MYO18B: variants seen among roughly 807,000 people sequenced by gnomAD.
MYO18B encodes unconventional myosin-XVIIIb.
Under a neutral mutation model 273.0 loss-of-function variants are expected in MYO18B, and 204 were observed. That is an observed-to-expected ratio of 0.75 (90% CI 0.67 to 0.84). MYO18B has a LOEUF of 0.84. Among genes scored for constraint, MYO18B ranks in the 40% least tolerant of loss-of-function variants. The probability of loss-of-function intolerance (pLI) is 0.00; values close to 1 mark genes in which losing one functional copy is unlikely to be tolerated. For synonymous variants in MYO18B, 1,330 were observed against 1,305.7 expected (o/e 1.02, Z -0.40); for missense variants, 3,212 against 3,287.6 (o/e 0.98, Z 0.56).
chr22:25,791,751 T>C (rs1186927938), intron 11 of MYO18B, among the ~76,000 whole-genome samples: 1 of 152,218 alleles, frequency 6.6e-6, no homozygotes, highest in African/African-American at 2.4e-5. Flanking sequence ...TGTTAGGGAA[T>C]GGTGCCCAAA....
intron 12 of MYO18B, among the ~76,000 whole-genome samples, chr22:25,800,768 C>G (rs570361711): frequency 5.4e-4 from 82 of 151,898 alleles, no homozygotes; most frequent in African/African-American, 1.9e-3. Flanking sequence ...TCCTGAGTTT[C>G]TCCTCCTGGG....
In MYO18B at chr22:25,965,448, G is replaced by A. The variant is rs143087419; in HGVS notation, c.6156+10084G>A. On this transcript the variant is annotated intron_variant, in intron 39 of 43. Transcript: ENST00000335473. ...CACCAGGAAAAAAGATCGGGGCGGT[G>A]ATGTGCTGGTAAATGTTTAACAACT... 2.9e-3 allele frequency among the ~76,000 whole-genome samples: 435 copies of A among 152,314 alleles called. 3 individuals carry two copies. The highest frequency in any genetic ancestry group is 9.9e-3 in the African/African-American group (411 of 41,556).
intron 42 of MYO18B, among the ~76,000 whole-genome samples, chr22:26,007,937 G>A (rs1377907755): frequency 6.6e-6 from 1 of 152,188 alleles, no homozygotes; most frequent in Non-Finnish European, 1.5e-5. Flanking sequence ...TCAGTTTGGT[G>A]TATATCCTTC....
intron 22 of MYO18B, among the ~76,000 whole-genome samples, chr22:25,870,478 G>A (rs2091015434): frequency 2.0e-5 from 3 of 152,206 alleles, no homozygotes; most frequent in Non-Finnish European, 4.4e-5. Context: ...TTTAAACACA[G>A]AAAAAGTAGA....
intron 21 of MYO18B, among the ~76,000 whole-genome samples, chr22:25,866,018 G>A (rs1372941540): frequency 1.3e-5 from 2 of 152,040 alleles, no homozygotes; most frequent in African/African-American, 2.4e-5. Context: ...TCTTCCAGGA[G>A]GTTGGAAGAT....
chr22:25,778,338 G>A (rs1403132014), intron 8 of MYO18B, among the ~76,000 whole-genome samples: 1 of 152,058 alleles, frequency 6.6e-6, no homozygotes, highest in Non-Finnish European at 1.5e-5. Context: ...GCTGCAGGAG[G>A]GCTTTTTTTA....
At chr22:25,772,246 G>A in intron 6 of MYO18B, 88 bp from the exon 7 acceptor site, 6 of 1,255,408 alleles carry the variant, frequency 4.8e-6, no homozygotes, top group Non-Finnish European at 6.6e-6. Context: ...GGAGGGCTTA[G>A]TGTGTGTTTG....
intron 34 of MYO18B, among the ~76,000 whole-genome samples, chr22:25,928,011 A>T (rs1420849541): frequency 6.6e-6 from 1 of 152,206 alleles, no homozygotes; most frequent in African/African-American, 2.4e-5. Context: ...ACATGTATGT[A>T]GACATTCTAG....
intron 22 of MYO18B, among the ~76,000 whole-genome samples, chr22:25,872,191 C>T (rs1393717067): frequency 1.3e-5 from 2 of 152,104 alleles, no homozygotes; most frequent in Admixed American, 1.3e-4. Flanking sequence ...TTTATTTTCC[C>T]ATTGAGAAAA....
chr22:25,756,622 G>A (rs950925186), intron 1 of MYO18B: 1 of 152,242 alleles, frequency 6.6e-6, no homozygotes, highest in African/African-American at 2.4e-5. Flanking sequence ...GAATAGTGGG[G>A]GCTTCAGCAC....
At chr22:25,912,660 T>G (rs1365196870) in intron 33 of MYO18B, among the ~76,000 whole-genome samples, 6 of 152,220 alleles carry the variant, frequency 3.9e-5, no homozygotes, top group Non-Finnish European at 7.3e-5. Context: ...AGGGTTCACA[T>G]AAATTAACAT....
Position 25,952,244 on chromosome 22 carries a change from C to G in MYO18B, c.5833-42C>G, listed in dbSNP as rs537343005. On this transcript the variant is annotated intron_variant, in intron 37 of 43. Transcript: ENST00000335473. ...CCTGCACATGTCTCTGTCCTGGTAT[C>G]AGGGACAACAGATGTCCAATAGACT... 95 of 1,594,358 alleles carry G rather than the reference C, an allele frequency of 6.0e-5. 1 individual carries two copies. In the South Asian group the frequency reaches 9.1e-4, roughly 15 times the overall value.
chr22:25,904,550 C>T (rs187756115), intron 31 of MYO18B, among the ~76,000 whole-genome samples: 11 of 152,270 alleles, frequency 7.2e-5, no homozygotes, highest in Admixed American at 2.0e-4. Context: ...TGCACAGCTT[C>T]GGGGCAGATT....
the MYO18B span, among the ~76,000 whole-genome samples, chr22:26,052,798 T>C: frequency 6.7e-6 from 1 of 150,350 alleles, no homozygotes; most frequent in Non-Finnish European, 1.5e-5. Context: ...TTGGGTGGTT[T>C]TTTTTTTTGG....
At chr22:25,819,139 G>C (rs1048205925) in intron 12 of MYO18B, among the ~76,000 whole-genome samples, 6 of 152,082 alleles carry the variant, frequency 3.9e-5, no homozygotes, top group African/African-American at 1.4e-4. Flanking sequence ...GCCAGCCTTC[G>C]GGGAGCTGAT....
chr22:25,923,959 C>T (rs17634613), intron 34 of MYO18B, among the ~76,000 whole-genome samples: 4 of 152,086 alleles, frequency 2.6e-5, no homozygotes, highest in East Asian at 3.9e-4. Context: ...TTAATGAAGG[C>T]GCTTTGAGCT....
chr22:26,042,752 A>G, the MYO18B span, among the ~76,000 whole-genome samples: 1 of 152,174 alleles, frequency 6.6e-6, no homozygotes, highest in Non-Finnish European at 1.5e-5. Flanking sequence ...AATTCACTCA[A>G]CAAGCATTTA....
At chr22:25,779,621 G>T (rs2087052363) in intron 8 of MYO18B, among the ~76,000 whole-genome samples, 1 of 152,230 alleles carries the variant, frequency 6.6e-6, no homozygotes, top group Non-Finnish European at 1.5e-5. Flanking sequence ...AGTGCTTGTT[G>T]CATTGTAGGT....
At chr22:25,961,359 T>C (rs1295969327) in intron 39 of MYO18B, among the ~76,000 whole-genome samples, 2 of 152,216 alleles carry the variant, frequency 1.3e-5, no homozygotes, top group Non-Finnish European at 2.9e-5. Context: ...TTTCCACCTC[T>C]GGTTGTCTGC....
Sources: allele counts gnomAD v4.1 joint callset (sites outside exome capture counted in the v4.1 genomes callset), GRCh38; gene constraint gnomAD v4.1.1; transcripts MANE v1.5; gene names NCBI Gene and HGNC (gene_info 2026-07-23, HGNC 2026-07-21).